Variants in TMCC1 observed in about 807,000 individuals in gnomAD.
TMCC1 encodes the protein transmembrane and coiled-coil domains protein 1.
TMCC1 carries 15 observed loss-of-function variants against 52.4 expected under a neutral mutation model. The ratio of observed to expected loss-of-function variants is 0.29; its 90% CI spans 0.19 to 0.44. The LOEUF (loss-of-function observed/expected upper bound fraction) is 0.44. TMCC1 is among the 20% of genes least tolerant of loss of function. TMCC1 has a pLI of 1.00. For missense variants in TMCC1, 503 were observed against 806.0 expected (o/e 0.62, Z 4.55); for synonymous variants, 279 against 301.9 (o/e 0.92, Z 0.79).
At chr3:129,759,709 ACTTTTTTTTTTTTTT>A (rs992652695) in intron 4 of TMCC1, among the ~76,000 whole-genome samples, 3 of 98,358 alleles carry the variant, frequency 3.1e-5, no homozygotes, top group East Asian at 3.1e-4. Context: ...AGCCAGCCAA[ACTTTTTTTTTTTTTT>A]TTTTTTTTTT....
At chr3:129,700,389 T>C (rs1030461981) in intron 4 of TMCC1, among the ~76,000 whole-genome samples, 1 of 152,238 alleles carries the variant, frequency 6.6e-6, no homozygotes, top group Non-Finnish European at 1.5e-5. Context: ...CTTTACTGTG[T>C]TAGACACTGT....
intron 4 of TMCC1, among the ~76,000 whole-genome samples, chr3:129,791,050 T>TCAGAGATC (rs1174728878): frequency 6.6e-6 from 1 of 151,224 alleles, no homozygotes; most frequent in African/African-American, 2.4e-5. Context: ...TAGAAAAACA[T>TCAGAGATC]CAGAGATCAT....
intron 4 of TMCC1, among the ~76,000 whole-genome samples, chr3:129,675,930 A>G (rs1480389376): frequency 6.6e-6 from 1 of 150,656 alleles, no homozygotes; most frequent in Non-Finnish European, 1.5e-5. Context: ...CCAGCTACTC[A>G]GGAGGCTGAG....
Position 129,772,741 on chromosome 3 carries a change from A to C in TMCC1, c.576+55062T>G, listed in dbSNP as rs930614599. Among the ~76,000 whole-genome samples the C allele has an allele frequency of 7.9e-5, 12 of 151,606 alleles. No individual in the cohort carries two copies. In the South Asian group the frequency reaches 1.5e-3, roughly 18 times the overall value. On this transcript the variant is annotated intron_variant, in intron 4 of 6. Transcript: ENST00000393238. ...CCGCCTCAAAAAAAAAAAAAAAAAA[A>C]AAACTGATTCACAGAAAAAAAATAA...
At chr3:129,815,187 T>C (rs2058037293) in intron 4 of TMCC1, among the ~76,000 whole-genome samples, 1 of 152,144 alleles carries the variant, frequency 6.6e-6, no homozygotes, top group African/African-American at 2.4e-5. Context: ...AAATAAATCA[T>C]ATTAACTTTT....
chr3:129,796,251 A>T (rs1206083896), intron 4 of TMCC1, among the ~76,000 whole-genome samples: 1 of 152,244 alleles, frequency 6.6e-6, no homozygotes, highest in Non-Finnish European at 1.5e-5. Context: ...GCCTAGGAGC[A>T]ACAGGCTATA....
intron 2 of TMCC1, among the ~76,000 whole-genome samples, chr3:129,862,037 C>G (rs562729061): frequency 6.6e-6 from 1 of 152,164 alleles, no homozygotes; most frequent in East Asian, 1.9e-4. Context: ...TAAAAAAGAA[C>G]AAAATACTGA....
chr3:129,775,580 G>T (rs140752354), intron 4 of TMCC1, among the ~76,000 whole-genome samples: 341 of 152,252 alleles, frequency 2.2e-3, no homozygotes, highest in Admixed American at 5.6e-3. Flanking sequence ...CTGGGGTTGG[G>T]AAAAGAAAGA....
intron 4 of TMCC1, among the ~76,000 whole-genome samples, chr3:129,810,152 T>A (rs2057722165): frequency 6.6e-6 from 1 of 152,010 alleles, no homozygotes; most frequent in Admixed American, 6.6e-5. Flanking sequence ...AGCTCACAAG[T>A]TCAAGACCAG....
At chr3:129,711,514 A>G (rs1457359669) in intron 4 of TMCC1, among the ~76,000 whole-genome samples, 1 of 152,152 alleles carries the variant, frequency 6.6e-6, no homozygotes, top group Admixed American at 6.5e-5. Context: ...TACATATGAA[A>G]TAATACTTAT....
intron 2 of TMCC1, among the ~76,000 whole-genome samples, chr3:129,863,655 A>G (rs1254958908): frequency 2.0e-5 from 3 of 152,160 alleles, no homozygotes; most frequent in African/African-American, 4.8e-5. Context: ...TGAGGTCAGG[A>G]GTTCAAGACC....
intron 4 of TMCC1, among the ~76,000 whole-genome samples, chr3:129,746,207 G>A (rs2051946238): frequency 1.3e-5 from 2 of 151,710 alleles, no homozygotes; most frequent in South Asian, 4.2e-4. Context: ...TCCTGCTCTT[G>A]TTGCCCAGGC....
At chr3:129,810,731 A>C (rs1261093820) in intron 4 of TMCC1, among the ~76,000 whole-genome samples, 1 of 152,246 alleles carries the variant, frequency 6.6e-6, no homozygotes, top group Non-Finnish European at 1.5e-5. Flanking sequence ...TTATCAAAGC[A>C]ATGTTTCAAT....
At chr3:129,810,293 G>A (rs563203032) in intron 4 of TMCC1, among the ~76,000 whole-genome samples, 64 of 152,032 alleles carry the variant, frequency 4.2e-4, no homozygotes, top group Non-Finnish European at 7.8e-4. Context: ...AGGAGGCAGG[G>A]GTTGCAGTGA....
chr3:129,717,743 C>T (rs2049216567), intron 4 of TMCC1, among the ~76,000 whole-genome samples: 1 of 152,198 alleles, frequency 6.6e-6, no homozygotes. Flanking sequence ...CCAACTACAT[C>T]TTATAATCTT....
At chr3:129,678,821 G>A (rs1311168873) in intron 4 of TMCC1, among the ~76,000 whole-genome samples, 1 of 152,172 alleles carries the variant, frequency 6.6e-6, no homozygotes, top group Non-Finnish European at 1.5e-5. Context: ...TAGCTACAGA[G>A]TATGTGTTAT....
intron 4 of TMCC1, among the ~76,000 whole-genome samples, chr3:129,752,927 A>G (rs1250258895): frequency 6.6e-6 from 1 of 152,196 alleles, no homozygotes; most frequent in African/African-American, 2.4e-5. Flanking sequence ...AAGCAGGCAC[A>G]TCTTCACATG....
intron 4 of TMCC1, among the ~76,000 whole-genome samples, chr3:129,767,186 G>A (rs2054193630): frequency 6.6e-6 from 1 of 151,238 alleles, no homozygotes; most frequent in African/African-American, 2.4e-5. Flanking sequence ...GCTTGAACCC[G>A]GGAGGCACAG....
At chr3:129,827,764 A>C (rs1340682640) in intron 4 of TMCC1, 39 bp downstream of exon 4, 2 of 1,589,754 alleles carry the variant, frequency 1.3e-6, no homozygotes, top group Admixed American at 1.7e-5. Context: ...GGTATGAAAA[A>C]CAGTAAGTTA....
Sources: allele counts gnomAD v4.1 joint callset (sites outside exome capture counted in the v4.1 genomes callset), GRCh38; gene constraint gnomAD v4.1.1; transcripts MANE v1.5; gene names NCBI Gene and HGNC (gene_info 2026-07-23, HGNC 2026-07-21).